LPA: variants seen among roughly 807,000 people sequenced by gnomAD.
LPA encodes the protein apolipoprotein(a).
Under a neutral mutation model 197.9 loss-of-function variants are expected in LPA, and 199 were observed. The observed-to-expected ratio is 1.01, with a 90% CI of 0.90 to 1.13. The LOEUF is 1.13. LPA is among the 50% of genes most tolerant of loss of function. LPA has a pLI of 0.00. For missense variants in LPA, 1,853 were observed against 1,785.8 expected (o/e 1.04, Z -0.68); for synonymous variants, 715 against 639.5 (o/e 1.12, Z -1.78).
rs1778284368 is a variant in LPA at position 160,557,486 on chromosome 6, A to G, written c.4717T>C (p.Tyr1573His). Residue 1573 changes from tyrosine (Y) to histidine (H), a missense_variant, in exon 29 of 39, where the codon TAC (tyrosine) becomes CAC (histidine). Transcript: ENST00000316300. ...TCTGAGCATTGTGTCAGATTGCAGT[A>G]CTCCCACCTCACACACGGATCGGTT... The part of the protein sequence containing the change: ...YTTDPCVRWE[Y>H]CNLTQCSETE... 6.2e-7 allele frequency: 1 copy of G among 1,613,782 alleles called. No homozygotes were observed. The highest frequency in any genetic ancestry group is 8.5e-7 in the Non-Finnish European group (1 of 1,179,962).
chr6:160,567,148 T>C (rs886511651), intron 28 of LPA, among the ~76,000 whole-genome samples: 4 of 152,222 alleles, frequency 2.6e-5, no homozygotes, highest in African/African-American at 4.8e-5. Context: ...GCAGACCTAA[T>C]AGACATCTAC....
chr6:160,634,677 C>A (rs1223123904), intron 7 of LPA, among the ~76,000 whole-genome samples: 1 of 151,690 alleles, frequency 6.6e-6, no homozygotes, highest in Non-Finnish European at 1.5e-5. Flanking sequence ...GGAATTAATG[C>A]AGCCCTGTTA....
intron 36 of LPA, 60 bp from the exon 37 acceptor site, chr6:160,538,021 A>G: frequency 6.9e-7 from 1 of 1,442,102 alleles, no homozygotes; most frequent in African/African-American, 1.4e-5. Flanking sequence ...CAGTACCTAC[A>G]ACCAGGCATC....
At chr6:160,573,265 T>C (rs1562326597) in intron 28 of LPA, among the ~76,000 whole-genome samples, 3 of 152,184 alleles carry the variant, frequency 2.0e-5, no homozygotes, top group Admixed American at 1.3e-4. Context: ...CAAAGGTGTG[T>C]CCAAAGTCTA....
At chr6:160,661,729 G>A (rs1253448567) in intron 1 of LPA, among the ~76,000 whole-genome samples, 1 of 152,176 alleles carries the variant, frequency 6.6e-6, no homozygotes, top group African/African-American at 2.4e-5. Flanking sequence ...ATATCATTGA[G>A]AAATAGATAT....
chr6:160,559,942 C>T (rs1028052074), intron 28 of LPA, among the ~76,000 whole-genome samples: 2 of 152,196 alleles, frequency 1.3e-5, no homozygotes, highest in African/African-American at 2.4e-5. Flanking sequence ...CCTCCCCTAG[C>T]CTCAACTCCC....
rs1289483736 is a variant in LPA, at chr6:160,540,031, G to C, written c.5735+12C>G. On this transcript the variant is annotated intron_variant, in intron 36 of 38. Coordinates refer to ENST00000316300, the MANE Select transcript of LPA (RefSeq NM_005577.4). Reference sequence around the variant, plus strand: ...CACCAGCGTGGGGTGAAGACCACAGGTGAGCGAGTACCTGCTTAGCTTTAG... The same window carrying C: ...CACCAGCGTGGGGTGAAGACCACAGCTGAGCGAGTACCTGCTTAGCTTTAG... 6.2e-7 allele frequency: 1 copy of C among 1,614,112 alleles called. No homozygotes were observed. Among genetic ancestry groups the C allele is most frequent in the Admixed American group, 1.7e-5 (1 of 60,028 alleles).
chr6:160,571,160 G>T lies in LPA; in HGVS notation c.4631+5976C>A, dbSNP rs116169692. 7.1e-3 allele frequency among the ~76,000 whole-genome samples: 1,083 copies of T among 152,034 alleles called. 17 individuals are homozygous for T. The highest frequency in any genetic ancestry group is 0.023 in the African/African-American group (963 of 41,464). On this transcript the variant is annotated intron_variant, in intron 28 of 38. Transcript: ENST00000316300. ...TCCTTTCTTCCACTTGATCGATTTT[G>T]CTATTGATACTTGTGTATGTGTCAT...
At chr6:160,582,401 A>T (rs1170945835) in intron 26 of LPA, among the ~76,000 whole-genome samples, 1 of 150,660 alleles carries the variant, frequency 6.6e-6, no homozygotes, top group African/African-American at 2.4e-5. Flanking sequence ...GTGTTATTCC[A>T]TTGTTTCTGA....
intron 30 of LPA, among the ~76,000 whole-genome samples, chr6:160,549,385 C>A (rs139024235): frequency 6.6e-6 from 1 of 152,170 alleles, no homozygotes; most frequent in African/African-American, 2.4e-5. Context: ...AACCGGTATA[C>A]GGATTTTGAT....
intron 1 of LPA, among the ~76,000 whole-genome samples, 192 bp downstream of exon 1, chr6:160,663,974 A>G (rs1246433125): frequency 1.3e-5 from 2 of 152,236 alleles, no homozygotes; most frequent in African/African-American, 4.8e-5. Context: ...CATTCATTCC[A>G]GCACCGTGAC....
chr6:160,610,032 A>G (rs1452619460), intron 16 of LPA, among the ~76,000 whole-genome samples: 2 of 152,036 alleles, frequency 1.3e-5, no homozygotes, highest in Non-Finnish European at 2.9e-5. Context: ...GCTTTGTTGC[A>G]CTTTTTTTAA....
intron 22 of LPA, 95 bp from the exon 23 acceptor site, chr6:160,591,196 A>T: frequency 6.7e-7 from 1 of 1,497,726 alleles, no homozygotes; most frequent in Admixed American, 1.9e-5. Context: ...AGTGGTAAAA[A>T]GTGACTTTGA....
chr6:160,564,618 C>A (rs1248619123), intron 28 of LPA, among the ~76,000 whole-genome samples: 1 of 152,174 alleles, frequency 6.6e-6, no homozygotes, highest in East Asian at 1.9e-4. Flanking sequence ...GCATTTCCAG[C>A]TGAGGTACTG....
intron 2 of LPA, among the ~76,000 whole-genome samples, chr6:160,648,610 G>A (rs956690564): frequency 3.3e-5 from 5 of 151,920 alleles, no homozygotes; most frequent in African/African-American, 7.3e-5. Flanking sequence ...GTATGCATGC[G>A]TGTGTTTTGT....
chr6:160,534,087 GTGTCAGAAAACTGACACCGA>G (rs1419177031), intron 37 of LPA, among the ~76,000 whole-genome samples: 1 of 151,278 alleles, frequency 6.6e-6, no homozygotes, highest in Non-Finnish European at 1.5e-5. Flanking sequence ...ATTGTCTTCG[GTGTCAGAAAACTGACACCGA>G]ATCTGGAGTT....
intron 28 of LPA, among the ~76,000 whole-genome samples, chr6:160,564,941 A>T (rs1778424669): frequency 6.6e-6 from 1 of 152,200 alleles, no homozygotes; most frequent in African/African-American, 2.4e-5. Flanking sequence ...CAGTAGTCTG[A>T]GACCGAACTG....
At chr6:160,650,615 G>T in intron 1 of LPA, 118 bp from the exon 2 acceptor site, 3 of 967,050 alleles carry the variant, frequency 3.1e-6, no homozygotes, top group Non-Finnish European at 5.0e-6. Context: ...CTCTTCTCTT[G>T]ATTAGCAGGC....
chr6:160,562,376 A>ATT (rs1778377207), intron 28 of LPA, among the ~76,000 whole-genome samples: 1 of 152,162 alleles, frequency 6.6e-6, no homozygotes. Context: ...ATGTTTATTG[A>ATT]TTTGAATATG....
Sources: gnomAD v4.1 joint callset for allele counts (sites outside exome capture counted in the v4.1 genomes callset) on GRCh38, gnomAD v4.1.1 for gene constraint, MANE v1.5 for transcripts, NCBI Gene and HGNC (gene_info 2026-07-23, HGNC 2026-07-21) for gene names.